Variants in SLC12A2 observed in about 807,000 individuals in gnomAD.
SLC12A2 encodes the protein solute carrier family 12 member 2.
Under a neutral mutation model 136.3 loss-of-function variants are expected in SLC12A2, and 67 were observed. The observed-to-expected ratio is 0.49, with a 90% confidence interval of 0.40 to 0.60. The LOEUF (loss-of-function observed/expected upper bound fraction) is 0.60, where lower values mean the gene tolerates loss of function less well. Ranked by LOEUF, SLC12A2 falls within the 20% of genes least tolerant of loss-of-function variation. The pLI is 0.00. For missense variants in SLC12A2, 1,322 were observed against 1,534.7 expected, an observed-to-expected ratio of 0.86 and a Z score of 2.32; for synonymous variants, 619 against 562.9, an observed-to-expected ratio of 1.10 and a Z score of -1.41.
intron 1 of SLC12A2, among the ~76,000 whole-genome samples, chr5:128,095,175 G>C (rs887751892): frequency 6.6e-6 from 1 of 152,130 alleles, no homozygotes; most frequent in Non-Finnish European, 1.5e-5. Flanking sequence ...GTTTCAATCA[G>C]TGGAATCTGT....
chr5:128,094,712 A>C (rs1760458431), intron 1 of SLC12A2, among the ~76,000 whole-genome samples: 1 of 152,144 alleles, frequency 6.6e-6, no homozygotes, highest in African/African-American at 2.4e-5. Context: ...ATGGAATCTT[A>C]GTTTTTTGTA....
chr5:128,104,631 C>CAA (rs563906164), intron 1 of SLC12A2, among the ~76,000 whole-genome samples: 1 of 137,076 alleles, frequency 7.3e-6, no homozygotes, highest in African/African-American at 2.8e-5. Context: ...GACTCCATCT[C>CAA]AAAAAAAAGA....
At chr5:128,171,804 A>G in intron 19 of SLC12A2, 58 bp downstream of exon 19, 1 of 1,003,208 alleles carries the variant, frequency 1.0e-6, no homozygotes, top group Non-Finnish European at 1.5e-6. Flanking sequence ...CTTTGTTAGA[A>G]AATTATATTC....
intron 1 of SLC12A2, among the ~76,000 whole-genome samples, chr5:128,102,780 CT>C (rs1193285689): frequency 1.2e-3 from 165 of 141,958 alleles, no homozygotes; most frequent in Admixed American, 1.3e-3. Context: ...GCCTGGCTAA[CT>C]TTTTTTTTTT....
At chr5:128,168,593 T>C (rs767304082) in intron 18 of SLC12A2, 3 of 152,200 alleles carry the variant, frequency 2.0e-5, no homozygotes, top group Non-Finnish European at 2.9e-5. Flanking sequence ...TTCACCGTAA[T>C]GTAGACTCAG....
At chr5:128,105,888 C>G (rs1760914751) in intron 1 of SLC12A2, among the ~76,000 whole-genome samples, 1 of 152,152 alleles carries the variant, frequency 6.6e-6, no homozygotes, top group Non-Finnish European at 1.5e-5. Flanking sequence ...CCTGGCCCCT[C>G]TCCTAAGTTC....
At chr5:128,123,380 C>T (rs934774074) in intron 4 of SLC12A2, among the ~76,000 whole-genome samples, 1 of 152,070 alleles carries the variant, frequency 6.6e-6, no homozygotes, top group Non-Finnish European at 1.5e-5. Flanking sequence ...ATTATTGTCA[C>T]CCTTTGATTC....
chr5:128,152,027 G>A (rs3805610), intron 14 of SLC12A2, among the ~76,000 whole-genome samples: 5 of 152,074 alleles, frequency 3.3e-5, no homozygotes, highest in African/African-American at 1.2e-4. Context: ...ATTATAACCC[G>A]TGACACATGA....
chr5:128,118,726 A>C (rs1761445194), intron 4 of SLC12A2, among the ~76,000 whole-genome samples: 1 of 152,196 alleles, frequency 6.6e-6, no homozygotes. Context: ...AAACTATTGA[A>C]ATAATTTTTT....
At chr5:128,166,105 G>C (rs560925622) in intron 17 of SLC12A2, among the ~76,000 whole-genome samples, 38 of 152,182 alleles carry the variant, frequency 2.5e-4, no homozygotes, top group African/African-American at 8.7e-4. Flanking sequence ...ACTTTACAGA[G>C]TTAGGGATAT....
chr5:128,182,534 G>T (rs1365961831), intron 23 of SLC12A2, among the ~76,000 whole-genome samples: 1 of 152,030 alleles, frequency 6.6e-6, no homozygotes, highest in African/African-American at 2.4e-5. Context: ...TGAAATTTAT[G>T]TACTTATCAA....
chr5:128,166,818 A>T lies in SLC12A2; in HGVS notation c.2617-943A>T, dbSNP rs1203743347. 2.0e-5 allele frequency among the ~76,000 whole-genome samples: 3 copies of T among 151,958 alleles called. No homozygotes were observed. In the East Asian group the frequency reaches 5.8e-4, roughly 29 times the overall value. On this transcript the variant is annotated intron_variant, in intron 17 of 26. Transcript: ENST00000262461. ...GTTAAAATGACAATTTTTTTTATTT[A>T]TCTTTTGCTACAATAAAATACTAAA... is the stretch of plus-strand genomic sequence containing the variant.
At chr5:128,102,223 A>C (rs1200452278) in intron 1 of SLC12A2, among the ~76,000 whole-genome samples, 1 of 152,076 alleles carries the variant, frequency 6.6e-6, no homozygotes, top group East Asian at 1.9e-4. Context: ...TTTATTGTGG[A>C]ATCTAAAAAA....
At chr5:128,136,304 A>G (rs1319009579) in intron 7 of SLC12A2, among the ~76,000 whole-genome samples, 1 of 152,134 alleles carries the variant, frequency 6.6e-6, no homozygotes, top group Non-Finnish European at 1.5e-5. Flanking sequence ...GTTTGTCAGG[A>G]ACGTAAGTGA....
intron 26 of SLC12A2, among the ~76,000 whole-genome samples, chr5:128,186,063 A>AT (rs112953931): frequency 1.1e-3 from 170 of 151,972 alleles, no homozygotes; most frequent in African/African-American, 3.7e-3. Context: ...CTCTTAAAAA[A>AT]ATATATATAT....
At chr5:128,119,508 G>A (rs1761475297) in intron 4 of SLC12A2, among the ~76,000 whole-genome samples, 1 of 152,008 alleles carries the variant, frequency 6.6e-6, no homozygotes, top group Non-Finnish European at 1.5e-5. Flanking sequence ...TTTTTCTCAG[G>A]TTTCTCAAAG....
chr5:128,171,538 G>A (rs1763375300), intron 18 of SLC12A2, 129 bp from the exon 19 acceptor site: 1 of 648,366 alleles, frequency 1.5e-6, no homozygotes, highest in Non-Finnish European at 2.7e-6. Context: ...TTCAAAGCAT[G>A]TTTTAAAAAT....
At chr5:128,095,304 G>A (rs1047343020) in intron 1 of SLC12A2, among the ~76,000 whole-genome samples, 1 of 142,386 alleles carries the variant, frequency 7.0e-6, no homozygotes, top group Non-Finnish European at 1.5e-5. Context: ...TTGGTCTTCA[G>A]TCTCAGGAGT....
In SLC12A2 at chr5:128,084,563, C is replaced by G; in HGVS notation, c.609C>G (p.Thr203=). The G allele has an allele frequency of 1.2e-6, 2 of 1,613,716 alleles. No homozygotes were observed. Among genetic ancestry groups the G allele is most frequent in the Non-Finnish European group, 1.7e-6 (2 of 1,180,000 alleles). The part of the protein sequence containing the change: ...SGHHQHYYYD[T]HTNTYYLRTF... ...ACCACCAGCACTACTATTATGATAC[C>G]CACACCAACACCTACTACCTGCGCA... The change falls in exon 1 of 27, where the codon ACC becomes ACG. Residue 203 remains threonine (T), a synonymous_variant. Coordinates refer to ENST00000262461, the MANE Select transcript of SLC12A2 (RefSeq NM_001046.3). This position sits in a 1 kb window ranked among gnomAD's most constrained non-coding sequence, Gnocchi z 5.6.
Sources: gnomAD v4.1 joint callset for allele counts (sites outside exome capture counted in the v4.1 genomes callset) on GRCh38, gnomAD v4.1.1 for gene constraint, Gnocchi (gnomAD v3.1) non-coding constraint, MANE v1.5 for transcripts, NCBI Gene and HGNC (gene_info 2026-07-23, HGNC 2026-07-21) for gene names.